EIF4G3: variants seen among roughly 807,000 people sequenced by gnomAD.
The protein encoded by EIF4G3 is eIF-4-gamma 3.
Under a neutral mutation model 186.4 loss-of-function variants are expected in EIF4G3, and 34 were observed. The observed-to-expected ratio is 0.18, with a 90% confidence interval of 0.14 to 0.24. EIF4G3 has a LOEUF of 0.24. Among genes scored for constraint, EIF4G3 ranks in the 10% least tolerant of loss-of-function variants. The pLI is 1.00. For synonymous variants in EIF4G3, 673 were observed against 679.5 expected, an observed-to-expected ratio of 0.99 and a Z score of 0.15; for missense variants, 1,536 against 1,948.5, an observed-to-expected ratio of 0.79 and a Z score of 3.99.
intron 20 of EIF4G3, among the ~76,000 whole-genome samples, chr1:20,875,940 G>A (rs1278936316): frequency 2.0e-5 from 3 of 151,900 alleles, no homozygotes; most frequent in Non-Finnish European, 4.4e-5. Flanking sequence ...AGAAGAAAGA[G>A]GCCAGGCATG....
intron 34 of EIF4G3, among the ~76,000 whole-genome samples, chr1:20,816,553 C>T (rs1232805278): frequency 1.4e-5 from 1 of 73,772 alleles, no homozygotes; most frequent in African/African-American, 5.2e-5. Context: ...GCGCCTCTGC[C>T]CGGCCGCCCC....
intron 2 of EIF4G3, among the ~76,000 whole-genome samples, chr1:21,120,228 C>T (rs1572856261): frequency 1.3e-5 from 2 of 150,794 alleles, no homozygotes; most frequent in African/African-American, 4.9e-5. Context: ...CAATCCAGTC[C>T]ATCTTCTTTT....
chr1:21,146,109 A>G (rs2097435676), intron 2 of EIF4G3, among the ~76,000 whole-genome samples: 1 of 152,070 alleles, frequency 6.6e-6, no homozygotes, highest in Admixed American at 6.6e-5. Context: ...ACTAAAAAAA[A>G]TTGAGGAGTA....
chr1:21,040,078 AC>A (rs1365364458), intron 4 of EIF4G3, among the ~76,000 whole-genome samples: 1 of 152,216 alleles, frequency 6.6e-6, no homozygotes, highest in Non-Finnish European at 1.5e-5. Flanking sequence ...AGAATCGCCA[AC>A]GTCTGTCTTT....
chr1:20,988,116 G>A (rs2080014924), intron 7 of EIF4G3, among the ~76,000 whole-genome samples: 2 of 152,208 alleles, frequency 1.3e-5, no homozygotes, highest in African/African-American at 4.8e-5. Context: ...AGGCTGAGAG[G>A]TAAGAAAGCT....
intron 2 of EIF4G3, among the ~76,000 whole-genome samples, chr1:21,096,212 C>T (rs993375593): frequency 2.6e-5 from 4 of 152,176 alleles, no homozygotes; most frequent in African/African-American, 9.6e-5. Context: ...ACTATTCAAC[C>T]ATAAAAAAAT....
chr1:21,040,909 G>A (rs968710385), intron 4 of EIF4G3, among the ~76,000 whole-genome samples: 3 of 151,946 alleles, frequency 2.0e-5, no homozygotes, highest in Non-Finnish European at 4.4e-5. Flanking sequence ...CAAGGCAAAC[G>A]TCACCCTGTA....
In EIF4G3 at chr1:21,117,736, T is replaced by TAAAAAAAAAA. The variant is rs71014156; in HGVS notation, c.-271-28533_-271-28524dup. Among the ~76,000 whole-genome samples the TAAAAAAAAAA allele has an allele frequency of 2.9e-4, 21 of 73,080 alleles. 1 individual carries two copies. Among genetic ancestry groups the TAAAAAAAAAA allele is most frequent in the Admixed American group, 5.9e-4 (3 of 5,066 alleles). The allele number at this position is 73,080 out of a possible 152,430, so 47.9% of individuals were successfully genotyped here. On this transcript the variant is annotated intron_variant, in intron 2 of 36. Coordinates refer to ENST00000602326, the MANE Select transcript of EIF4G3 (RefSeq NM_001391906.1). The stretch of plus-strand genomic sequence containing the variant: ...GGCCTTTCACTGTCCCAGTATATAG[T>TAAAAAAAAAA]AAAAAAAAAAAAAAAAAAAAAAAAA...
At chr1:20,900,677 A>G (rs994643401) in intron 15 of EIF4G3, among the ~76,000 whole-genome samples, 5 of 152,148 alleles carry the variant, frequency 3.3e-5, no homozygotes, top group Admixed American at 2.6e-4. Flanking sequence ...AGGCCTCATG[A>G]ATCTTCAAAA....
intron 4 of EIF4G3, among the ~76,000 whole-genome samples, chr1:21,048,771 T>G (rs1038566510): frequency 6.6e-6 from 1 of 152,044 alleles, no homozygotes; most frequent in Non-Finnish European, 1.5e-5. Context: ...CCACTCCCAT[T>G]CAGAAAGCCA....
At position 21,153,880 on chromosome 1, in the gene EIF4G3, A is replaced by C. The variant is rs1376821040; in HGVS notation, c.-272+22295T>G. Reference sequence around the variant, plus strand: ...GAGACCGGCCAAGAAGCATTTCATTATACTTCAAACAACAGTGAAGCCAGC... The same window carrying C: ...GAGACCGGCCAAGAAGCATTTCATTCTACTTCAAACAACAGTGAAGCCAGC... On this transcript the variant is annotated intron_variant, in intron 2 of 36. Transcript: ENST00000602326. Among the ~76,000 whole-genome samples the C allele has an allele frequency of 2.0e-5, 3 of 152,058 alleles. No homozygotes were observed. The East Asian group carries it at 5.8e-4, about 29-fold the overall frequency.
At chr1:20,928,315 G>A (rs1356250554) in intron 14 of EIF4G3, among the ~76,000 whole-genome samples, 1 of 152,126 alleles carries the variant, frequency 6.6e-6, no homozygotes, top group Non-Finnish European at 1.5e-5. Flanking sequence ...CAATTGTGGT[G>A]TTCTTGTTGA....
chr1:20,941,445 C>T (rs1482430496), intron 14 of EIF4G3, 46 bp downstream of exon 14: 2 of 1,608,298 alleles, frequency 1.2e-6, no homozygotes, highest in Admixed American at 1.7e-5. Flanking sequence ...AACACTGCCT[C>T]TTCTTCATGT....
chr1:20,985,144 A>T (rs925920388), intron 7 of EIF4G3, among the ~76,000 whole-genome samples: 24 of 152,224 alleles, frequency 1.6e-4, no homozygotes, highest in African/African-American at 5.5e-4. Context: ...CACTGAAAGG[A>T]TGTAGCAGGA....
chr1:21,050,739 C>A, intron 4 of EIF4G3, 127 bp downstream of exon 4: 3 of 587,200 alleles, frequency 5.1e-6, no homozygotes, highest in South Asian at 4.1e-5. Flanking sequence ...TGAAAAGATG[C>A]CAAAGACAAA....
intron 2 of EIF4G3, among the ~76,000 whole-genome samples, chr1:21,155,114 C>G (rs896272431): frequency 1.3e-5 from 2 of 151,568 alleles, no homozygotes; most frequent in Admixed American, 1.3e-4. Context: ...AATACAAAAC[C>G]TACCTAGGCA....
chr1:21,081,435 A>AATAT (rs968358911), intron 3 of EIF4G3, among the ~76,000 whole-genome samples: 1 of 151,592 alleles, frequency 6.6e-6, no homozygotes, highest in Non-Finnish European at 1.5e-5. Context: ...TCCATCTCAA[A>AATAT]ATATATATAT....
chr1:20,980,268 C>T, intron 10 of EIF4G3, 66 bp downstream of exon 10: 3 of 1,174,676 alleles, frequency 2.6e-6, no homozygotes, highest in Non-Finnish European at 3.5e-6. Flanking sequence ...ATAAACCAAC[C>T]CACCAAGCAA....
intron 2 of EIF4G3, among the ~76,000 whole-genome samples, chr1:21,145,862 T>C (rs920486722): frequency 1.3e-5 from 2 of 152,070 alleles, no homozygotes; most frequent in Admixed American, 6.6e-5. Context: ...AGGAGGATCA[T>C]TGAGGCCAAA....
Sources: allele counts gnomAD v4.1 joint callset (sites outside exome capture counted in the v4.1 genomes callset), GRCh38; gene constraint gnomAD v4.1.1; transcripts MANE v1.5; gene names NCBI Gene and HGNC (gene_info 2026-07-23, HGNC 2026-07-21).